The following ZNF148 variants were observed in gnomAD, a reference collection of about 807,000 sequenced individuals.
ZNF148 encodes the protein zinc finger protein 148, also known as Beta-Enolase Repressor Factor-1.
A neutral mutation model predicts 67.7 loss-of-function variants in ZNF148; 7 were observed. That is an observed-to-expected ratio of 0.10 (90% CI 0.06 to 0.19). The LOEUF is 0.19. ZNF148 is among the 10% of genes least tolerant of loss of function. The probability of loss-of-function intolerance (pLI) is 1.00; values close to 1 mark genes in which losing one functional copy is unlikely to be tolerated. For missense variants in ZNF148, 583 were observed against 947.1 expected (o/e 0.62, Z 5.05); for synonymous variants, 333 against 330.7 (o/e 1.01, Z -0.08).
intron 7 of ZNF148, among the ~76,000 whole-genome samples, chr3:125,251,325 G>C (rs1397619636): frequency 1.3e-5 from 2 of 152,122 alleles, no homozygotes; most frequent in Admixed American, 6.5e-5. Flanking sequence ...AAAGCATATA[G>C]AAAGTACACA....
At chr3:125,354,563 A>T (rs1472399729) in intron 1 of ZNF148, among the ~76,000 whole-genome samples, 1 of 152,238 alleles carries the variant, frequency 6.6e-6, no homozygotes, top group Non-Finnish European at 1.5e-5. Context: ...TTCTAAAATT[A>T]ACTAGGGGGT....
chr3:125,311,615 A>C (rs1165799027), intron 4 of ZNF148, among the ~76,000 whole-genome samples: 2 of 152,120 alleles, frequency 1.3e-5, no homozygotes, highest in Admixed American at 6.5e-5. Flanking sequence ...TACAGACCCC[A>C]AAAAACCCTA....
intron 7 of ZNF148, among the ~76,000 whole-genome samples, chr3:125,267,212 C>G (rs183482969): frequency 1.3e-5 from 2 of 151,414 alleles, no homozygotes; most frequent in Non-Finnish European, 2.9e-5. Flanking sequence ...ACTCATTCTA[C>G]GAAACCAGTA....
Position 125,283,580 on chromosome 3 carries a change from T to C in ZNF148, c.460-4333A>G, listed in dbSNP as rs186449779. ...CAATTTCCTGGGAAAATTAGATAAA[T>C]AAAACTCTATTATTTTGCCAATCTT... On this transcript the variant is annotated intron_variant, in intron 5 of 8. Transcript: ENST00000360647. Among the ~76,000 whole-genome samples, 48 of 152,216 alleles carry C rather than the reference T, an allele frequency of 3.2e-4. No individual in the cohort carries two copies. The East Asian group carries it at 8.1e-3, about 26-fold the overall frequency.
intron 7 of ZNF148, among the ~76,000 whole-genome samples, chr3:125,234,689 T>C (rs537381596): frequency 1.3e-5 from 2 of 152,320 alleles, no homozygotes; most frequent in South Asian, 4.1e-4. Context: ...AAGTTACCCA[T>C]GCACAATACA....
At chr3:125,341,632 TA>T (rs1268057783) in intron 1 of ZNF148, among the ~76,000 whole-genome samples, 3 of 151,118 alleles carry the variant, frequency 2.0e-5, no homozygotes, top group Non-Finnish European at 4.4e-5. Context: ...AGCAAATAAA[TA>T]AAAACTAAAA....
At chr3:125,343,054 G>GA (rs1472874480) in intron 1 of ZNF148, among the ~76,000 whole-genome samples, 4 of 152,122 alleles carry the variant, frequency 2.6e-5, no homozygotes, top group African/African-American at 9.7e-5. Context: ...CGCACTACCA[G>GA]AAAAATTCTT....
chr3:125,371,585 G>A (rs554132379), intron 1 of ZNF148, among the ~76,000 whole-genome samples: 14 of 150,888 alleles, frequency 9.3e-5, no homozygotes, highest in African/African-American at 3.2e-4. Context: ...CTTGAACCCA[G>A]GAGGCAGAGG....
chr3:125,287,685 T>C (rs1188079591), intron 5 of ZNF148, among the ~76,000 whole-genome samples: 1 of 152,162 alleles, frequency 6.6e-6, no homozygotes, highest in African/African-American at 2.4e-5. Flanking sequence ...ATGTCTCCTA[T>C]TCCAGGCTCT....
chr3:125,242,555 G>C (rs923412819), intron 7 of ZNF148, among the ~76,000 whole-genome samples: 1 of 152,048 alleles, frequency 6.6e-6, no homozygotes, highest in Non-Finnish European at 1.5e-5. Flanking sequence ...TGGTGTCGGG[G>C]AGCAGGCAGA....
chr3:125,331,834 T>C (rs1038929591), intron 1 of ZNF148, among the ~76,000 whole-genome samples: 1 of 152,210 alleles, frequency 6.6e-6, no homozygotes, highest in African/African-American at 2.4e-5. Context: ...ACATTCCACA[T>C]TGGTACTGCA....
At chr3:125,352,086 T>A (rs1030065646) in intron 1 of ZNF148, among the ~76,000 whole-genome samples, 1 of 151,158 alleles carries the variant, frequency 6.6e-6, no homozygotes, top group Non-Finnish European at 1.5e-5. Flanking sequence ...ACATAAAAAC[T>A]TGCACATGGA....
intron 7 of ZNF148, among the ~76,000 whole-genome samples, chr3:125,246,571 T>C (rs992943366): frequency 4.6e-5 from 7 of 152,048 alleles, no homozygotes; most frequent in South Asian, 2.1e-4. Context: ...TAATGTGAAG[T>C]AGGAATTTAA....
At chr3:125,298,319 T>C (rs7650116) in intron 4 of ZNF148, among the ~76,000 whole-genome samples, 6,546 of 131,904 alleles carry the variant, frequency 0.05, 321 homozygotes, top group African/African-American at 0.14. Context: ...AAAAGACATA[T>C]ACCTAGAGCA....
At chr3:125,261,875 A>C (rs972174878) in intron 7 of ZNF148, among the ~76,000 whole-genome samples, 1 of 149,568 alleles carries the variant, frequency 6.7e-6, no homozygotes, top group Non-Finnish European at 1.5e-5. Flanking sequence ...AAATAATATT[A>C]AGCTTTGTAG....
chr3:125,317,662 T>TATATATATATAGAGAGAGAGAGAGAGAG (rs752542874), intron 3 of ZNF148, among the ~76,000 whole-genome samples: 133 of 90,008 alleles, frequency 1.5e-3, no homozygotes, highest in South Asian at 3.1e-3. Context: ...TATATATATA[T>TATATATATATAGAGAGAGAGAGAGAGAG]AGAGAGAGAG....
intron 5 of ZNF148, among the ~76,000 whole-genome samples, chr3:125,285,878 T>C (rs1042811682): frequency 4.6e-5 from 7 of 152,200 alleles, no homozygotes; most frequent in Admixed American, 4.6e-4. Context: ...AGAAATATTC[T>C]AAAATGATAC....
chr3:125,356,288 G>C (rs1165456087), intron 1 of ZNF148, among the ~76,000 whole-genome samples: 2 of 152,098 alleles, frequency 1.3e-5, no homozygotes. Context: ...AGTTTCCTTA[G>C]TCTATTCTGG....
rs1579567161 is a variant in ZNF148 at position 125,229,126 on chromosome 3, A to G, written c.*3215T>C. On this transcript the variant is annotated 3_prime_UTR_variant, in exon 9 of 9. Coordinates refer to ENST00000360647, the MANE Select transcript of ZNF148 (RefSeq NM_021964.3). ...TGCTTCTTCAAGTAAATATACTGTG[A>G]AAAAAAAATGAGTTCTAGTTTAAAA... 6.6e-6 allele frequency: 1 copy of G among 151,280 alleles called. No individual in the cohort carries two copies. Among genetic ancestry groups the G allele is most frequent in the African/African-American group, 2.4e-5 (1 of 41,022 alleles). The allele number at this position is 151,280 out of a possible 1,614,324, so 9.4% of individuals were successfully genotyped here.
Sources: gnomAD v4.1 joint callset for allele counts (sites outside exome capture counted in the v4.1 genomes callset) on GRCh38, gnomAD v4.1.1 for gene constraint, MANE v1.5 for transcripts, NCBI Gene and HGNC (gene_info 2026-07-23, HGNC 2026-07-21) for gene names.